The following PDE3A variants were observed in gnomAD, a reference collection of about 807,000 sequenced individuals.
PDE3A encodes phosphodiesterase 3A.
Under a neutral mutation model 98.3 loss-of-function variants are expected in PDE3A, and 43 were observed. That is an observed-to-expected ratio of 0.44 (90% CI 0.34 to 0.56). PDE3A has a LOEUF of 0.56. Among genes scored for constraint, PDE3A ranks in the 20% least tolerant of loss-of-function variants. The pLI, the probability that PDE3A is intolerant of heterozygous loss-of-function variation, is 0.01. For missense variants in PDE3A, 1,427 were observed against 1,440.7 expected (o/e 0.99, Z 0.15); for synonymous variants, 663 against 567.9 (o/e 1.17, Z -2.38).
At chr12:20,448,752 GTT>G (rs34848615) in intron 1 of PDE3A, among the ~76,000 whole-genome samples, 4 of 138,538 alleles carry the variant, frequency 2.9e-5, no homozygotes, top group Admixed American at 7.3e-5. Flanking sequence ...TTATTTTAAG[GTT>G]TTTTTTTTTT....
At chr12:20,418,711 G>A (rs1944463746) in intron 1 of PDE3A, among the ~76,000 whole-genome samples, 1 of 151,902 alleles carries the variant, frequency 6.6e-6, no homozygotes, top group Non-Finnish European at 1.5e-5. Flanking sequence ...TGAAATAAGA[G>A]CGTAAAATAA....
intron 1 of PDE3A, among the ~76,000 whole-genome samples, chr12:20,372,162 A>G (rs1361403568): frequency 6.6e-6 from 1 of 152,176 alleles, no homozygotes; most frequent in African/African-American, 2.4e-5. Flanking sequence ...TAAATTGATA[A>G]ATGGAGAATT....
Position 20,617,217 on chromosome 12 carries a change from G to A in PDE3A, c.1424+833G>A, listed in dbSNP as rs183784028. On this transcript the variant is annotated intron_variant, in intron 4 of 15. Coordinates refer to ENST00000359062, the MANE Select transcript of PDE3A (RefSeq NM_000921.5). ...TATCAGAAGTAATTTTCTCCTGATC[G>A]TTAGCCTGGGATATAAATAAACCAC... Among the ~76,000 whole-genome samples, 597 of 152,104 alleles carry A rather than the reference G, an allele frequency of 3.9e-3. 8 individuals are homozygous for A. The highest frequency in any genetic ancestry group is 0.013 in the African/African-American group (541 of 41,504).
intron 4 of PDE3A, among the ~76,000 whole-genome samples, chr12:20,617,115 A>G (rs761892021): frequency 6.6e-6 from 1 of 152,154 alleles, no homozygotes; most frequent in Non-Finnish European, 1.5e-5. Flanking sequence ...CAGGTTTTTG[A>G]AACACATGTA....
intron 2 of PDE3A, among the ~76,000 whole-genome samples, chr12:20,565,737 A>G (rs1942639512): frequency 1.3e-5 from 2 of 151,284 alleles, no homozygotes; most frequent in Non-Finnish European, 3.0e-5. Flanking sequence ...TCTTGGTACA[A>G]TTTTTTTTTA....
At chr12:20,434,812 A>G (rs1944754131) in intron 1 of PDE3A, among the ~76,000 whole-genome samples, 1 of 152,150 alleles carries the variant, frequency 6.6e-6, no homozygotes, top group South Asian at 2.1e-4. Context: ...ATAGAGTGGG[A>G]TTTATTCCAT....
chr12:20,659,212 C>A (rs1945105744), intron 15 of PDE3A, among the ~76,000 whole-genome samples: 1 of 151,978 alleles, frequency 6.6e-6, no homozygotes, highest in South Asian at 2.1e-4. Flanking sequence ...AGCACTCATT[C>A]AATTTAATAA....
intron 2 of PDE3A, among the ~76,000 whole-genome samples, chr12:20,600,272 G>A (rs1016493470): frequency 6.6e-5 from 10 of 152,000 alleles, no homozygotes; most frequent in African/African-American, 1.2e-4. Flanking sequence ...CAGTACCCTC[G>A]TCCAAACTGA....
chr12:20,395,778 A>G (rs903754404), intron 1 of PDE3A, among the ~76,000 whole-genome samples: 1 of 151,368 alleles, frequency 6.6e-6, no homozygotes, highest in African/African-American at 2.4e-5. Context: ...ACCTATAGAG[A>G]TGCAACCTTC....
rs929593708 is a variant in PDE3A at position 20,392,538 on chromosome 12, A to C, written c.960+22294A>C. Among the ~76,000 whole-genome samples, 9 of 133,422 alleles carry C rather than the reference A, an allele frequency of 6.7e-5. No homozygotes were observed. The East Asian group carries it at 7.6e-4, about 11-fold the overall frequency. The allele number at this position is 133,422 out of a possible 152,430, so 87.5% of individuals were successfully genotyped here. A position where few individuals can be genotyped will look rare whatever the true frequency, so the allele number is the denominator to read the frequency against. ...AAATAAATAAATAAATAAATACATA[A>C]ATAAATAAATAAATAAATAAAATCT... is the stretch of plus-strand genomic sequence containing the variant. On this transcript the variant is annotated intron_variant, in intron 1 of 15. Coordinates refer to ENST00000359062, the MANE Select transcript of PDE3A (RefSeq NM_000921.5).
intron 1 of PDE3A, among the ~76,000 whole-genome samples, chr12:20,479,266 G>A (rs546665235): frequency 4.0e-4 from 61 of 152,306 alleles, no homozygotes; most frequent in African/African-American, 1.4e-3. Context: ...TGTATCAAAT[G>A]TAGTGTAGTC....
intron 1 of PDE3A, among the ~76,000 whole-genome samples, chr12:20,437,936 A>G (rs1013613012): frequency 6.6e-6 from 1 of 151,558 alleles, no homozygotes; most frequent in African/African-American, 2.4e-5. Flanking sequence ...TTTTCCCCCA[A>G]TTTTAGCTAA....
intron 1 of PDE3A, among the ~76,000 whole-genome samples, chr12:20,462,164 A>G (rs1353086859): frequency 6.6e-6 from 1 of 152,200 alleles, no homozygotes; most frequent in Non-Finnish European, 1.5e-5. Flanking sequence ...CAGAATTTCC[A>G]AATCAATTTT....
intron 1 of PDE3A, among the ~76,000 whole-genome samples, chr12:20,529,780 C>G (rs1171478028): frequency 6.6e-6 from 1 of 152,078 alleles, no homozygotes; most frequent in African/African-American, 2.4e-5. Flanking sequence ...TTGTTCTAAA[C>G]CACTGAATTT....
At chr12:20,418,624 C>T (rs1001092304) in intron 1 of PDE3A, among the ~76,000 whole-genome samples, 2 of 152,124 alleles carry the variant, frequency 1.3e-5, no homozygotes, top group Non-Finnish European at 2.9e-5. Context: ...GCCGATTTCT[C>T]TCTTTCTGTT....
chr12:20,435,791 A>T (rs1043038980), intron 1 of PDE3A, among the ~76,000 whole-genome samples: 4 of 152,176 alleles, frequency 2.6e-5, no homozygotes, highest in Non-Finnish European at 4.4e-5. Context: ...GGGGTGATTA[A>T]ATTTTAGACC....
chr12:20,519,079 A>G (rs1946375636), intron 1 of PDE3A, among the ~76,000 whole-genome samples: 1 of 152,164 alleles, frequency 6.6e-6, no homozygotes, highest in African/African-American at 2.4e-5. Context: ...GAGACTAGGA[A>G]GTATATGATT....
chr12:20,508,838 G>A (rs1279907520), intron 1 of PDE3A, among the ~76,000 whole-genome samples: 1 of 150,958 alleles, frequency 6.6e-6, no homozygotes, highest in Non-Finnish European at 1.5e-5. Context: ...GGGTTTCTGG[G>A]TTTTTGATTG....
intron 1 of PDE3A, among the ~76,000 whole-genome samples, chr12:20,491,137 A>C (rs1256745306): frequency 2.0e-5 from 3 of 152,186 alleles, no homozygotes; most frequent in African/African-American, 7.2e-5. Flanking sequence ...CAAGAAGATC[A>C]ATATGTTACC....
Sources: allele counts gnomAD v4.1 joint callset (sites outside exome capture counted in the v4.1 genomes callset), GRCh38; gene constraint gnomAD v4.1.1; transcripts MANE v1.5; gene names NCBI Gene and HGNC (gene_info 2026-07-23, HGNC 2026-07-21).